The following OCA2 variants were observed in gnomAD, a reference collection of about 807,000 sequenced individuals.
OCA2 encodes the protein OCA2 melanosomal transmembrane protein, also known as P protein.
A neutral mutation model predicts 100.2 loss-of-function variants in OCA2; 77 were observed. The observed-to-expected ratio is 0.77, with a 90% confidence interval of 0.64 to 0.93. OCA2 has a LOEUF of 0.93. Ranked by LOEUF, OCA2 falls within the 40% of genes least tolerant of loss-of-function variation. The probability of loss-of-function intolerance (pLI) is 0.00; values close to 1 mark genes in which losing one functional copy is unlikely to be tolerated. For missense variants in OCA2, 1,062 were observed against 1,089.1 expected, an observed-to-expected ratio of 0.98 and a Z score of 0.35; for synonymous variants, 432 against 439.2, an observed-to-expected ratio of 0.98 and a Z score of 0.21.
chr15:27,743,831 C>A, the OCA2 span, among the ~76,000 whole-genome samples: 78 of 152,176 alleles, frequency 5.1e-4, no homozygotes, highest in South Asian at 3.1e-3. Flanking sequence ...TTCACCAGCA[C>A]CCCTGCCCCG....
intron 23 of OCA2, among the ~76,000 whole-genome samples, chr15:27,768,711 ATTAG>A (rs972654815): frequency 1.3e-5 from 2 of 152,140 alleles, no homozygotes; most frequent in African/African-American, 4.8e-5. Flanking sequence ...TAGGGTTGAC[ATTAG>A]TTAGAGTCAA....
intron 23 of OCA2, among the ~76,000 whole-genome samples, chr15:27,839,523 C>T (rs938959631): frequency 2.6e-5 from 4 of 152,162 alleles, no homozygotes; most frequent in Non-Finnish European, 5.9e-5. Flanking sequence ...GATTCCAATA[C>T]TGAATAAAGT....
intron 18 of OCA2, among the ~76,000 whole-genome samples, chr15:27,939,425 T>C (rs529098122): frequency 4.6e-5 from 7 of 152,198 alleles, no homozygotes; most frequent in Non-Finnish European, 8.8e-5. Flanking sequence ...TTATGCTCCC[T>C]AGATATCATG....
intron 23 of OCA2, among the ~76,000 whole-genome samples, chr15:27,762,337 T>C (rs1246021450): frequency 6.6e-6 from 1 of 152,152 alleles, no homozygotes; most frequent in Admixed American, 6.5e-5. Flanking sequence ...CTGAAGAAAC[T>C]GAGATAAGCA....
intron 9 of OCA2, among the ~76,000 whole-genome samples, chr15:28,008,544 T>A (rs2042149744): frequency 6.6e-6 from 1 of 152,140 alleles, no homozygotes; most frequent in Non-Finnish European, 1.5e-5. Context: ...AAATGTGAGG[T>A]CCCGTCCTAG....
intron 18 of OCA2, among the ~76,000 whole-genome samples, chr15:27,926,680 A>T (rs2039055212): frequency 6.6e-6 from 1 of 152,132 alleles, no homozygotes; most frequent in Non-Finnish European, 1.5e-5. Flanking sequence ...GCTGGGCTGC[A>T]GTTCAGCTCA....
intron 19 of OCA2, among the ~76,000 whole-genome samples, chr15:27,902,212 TG>T (rs59810571): frequency 0.14 from 21,412 of 151,030 alleles, 3,628 homozygotes; most frequent in African/African-American, 0.4. Flanking sequence ...AAGTTGTTGT[TG>T]TTGTTGTTTT....
chr15:28,052,044 C>A (rs2141575107), intron 2 of OCA2, among the ~76,000 whole-genome samples: 2 of 152,204 alleles, frequency 1.3e-5, no homozygotes, highest in Admixed American at 1.3e-4. Context: ...AGATCAGTGA[C>A]CCCCCTCAGG....
intron 19 of OCA2, among the ~76,000 whole-genome samples, chr15:27,882,873 C>T (rs2037076994): frequency 1.3e-5 from 2 of 152,184 alleles, no homozygotes; most frequent in South Asian, 2.1e-4. Flanking sequence ...TTCTCTAAGC[C>T]TTGCCATCTT....
downstream of OCA2, among the ~76,000 whole-genome samples, chr15:27,752,358 G>A (rs1288338543): frequency 1.3e-5 from 2 of 152,186 alleles, no homozygotes; most frequent in Admixed American, 6.5e-5. Flanking sequence ...CCATCATAAC[G>A]ACACAGGATT....
intron 9 of OCA2, among the ~76,000 whole-genome samples, chr15:28,003,761 C>G (rs187484807): frequency 6.6e-6 from 1 of 152,132 alleles, no homozygotes; most frequent in African/African-American, 2.4e-5. Flanking sequence ...TCGACGTCCA[C>G]GAGGGTGGCG....
intron 19 of OCA2, among the ~76,000 whole-genome samples, chr15:27,913,932 A>AAAGC: frequency 7.1e-6 from 1 of 141,592 alleles, no homozygotes; most frequent in East Asian, 2.1e-4. Context: ...AGCAAGCAAG[A>AAAGC]AAGAAAGAAA....
rs1397679702 is a variant in OCA2 at position 28,018,534 on chromosome 15, C to A, written c.670G>T (p.Asp224Tyr). The A allele has an allele frequency of 6.2e-7, 1 of 1,613,578 alleles. No homozygotes were observed. Reference sequence around the variant, plus strand: ...AGGTCCACCTGCAGCAGCGTGGAGTCCACGTGGCTGCTAAGGTTCACGGCT... The same window carrying A: ...AGGTCCACCTGCAGCAGCGTGGAGTACACGTGGCTGCTAAGGTTCACGGCT... Reference protein sequence around the residue: ...NYSVNLSSHVDSTLLQVDLAG... With the variant: ...NYSVNLSSHVYSTLLQVDLAG... Residue 224 changes from aspartate to tyrosine, a missense_variant, in exon 7 of 24, where the codon GAC becomes TAC. Coordinates refer to ENST00000354638, the MANE Select transcript of OCA2 (RefSeq NM_000275.3).
intron 9 of OCA2, among the ~76,000 whole-genome samples, chr15:27,992,105 C>CTT (rs66972965): frequency 1.8e-3 from 255 of 144,266 alleles, no homozygotes; most frequent in African/African-American, 6.2e-3. Flanking sequence ...GTTTAGGACG[C>CTT]TTTTTTTTTT....
At chr15:27,796,320 C>G (rs1476485479) in intron 23 of OCA2, among the ~76,000 whole-genome samples, 1 of 152,260 alleles carries the variant, frequency 6.6e-6, no homozygotes, top group Non-Finnish European at 1.5e-5. Context: ...AGTGACGACC[C>G]CAGTCTGGCC....
chr15:27,833,223 A>T (rs2151323594), intron 23 of OCA2, among the ~76,000 whole-genome samples: 1 of 152,358 alleles, frequency 6.6e-6, no homozygotes, highest in Admixed American at 6.5e-5. Flanking sequence ...ATTGTTTTTC[A>T]AAATAGCATA....
chr15:27,720,787 G>GAAT, the OCA2 span, among the ~76,000 whole-genome samples: 1 of 152,116 alleles, frequency 6.6e-6, no homozygotes, highest in Non-Finnish European at 1.5e-5. Flanking sequence ...GTGCATACAT[G>GAAT]AGTTTATTAT....
chr15:27,987,387 AG>A lies in OCA2; in HGVS notation c.1183-745del, dbSNP rs527497275. Among the ~76,000 whole-genome samples the A allele has an allele frequency of 3.2e-3, 494 of 152,276 alleles. 6 individuals carry two copies. Among genetic ancestry groups the A allele is most frequent in the African/African-American group, 0.011 (470 of 41,572 alleles). Reference sequence around the variant, plus strand: ...ACCATGTGTTGAACTTGGAATGAGAAGATGCAAGTTCAGATCCTGATTCTGC... The same window carrying A: ...ACCATGTGTTGAACTTGGAATGAGAAATGCAAGTTCAGATCCTGATTCTGC... On this transcript the variant is annotated intron_variant, in intron 11 of 23. Transcript: ENST00000354638.
intron 23 of OCA2, among the ~76,000 whole-genome samples, chr15:27,761,507 G>A (rs1302351535): frequency 1.3e-5 from 2 of 150,570 alleles, no homozygotes; most frequent in East Asian, 3.9e-4. Flanking sequence ...GAGAGATATA[G>A]AGTGTTCATT....
Sources: allele counts gnomAD v4.1 joint callset (sites outside exome capture counted in the v4.1 genomes callset), GRCh38; gene constraint gnomAD v4.1.1; transcripts MANE v1.5; gene names NCBI Gene and HGNC (gene_info 2026-07-23, HGNC 2026-07-21).